Variants in CPNE4 observed in about 807,000 individuals in gnomAD.
The protein encoded by CPNE4 is copine-4.
Under a neutral mutation model 67.9 loss-of-function variants are expected in CPNE4, and 25 were observed. That is an observed-to-expected ratio of 0.37 (90% CI 0.27 to 0.51). The LOEUF (loss-of-function observed/expected upper bound fraction) is 0.51. Among genes scored for constraint, CPNE4 ranks in the 20% least tolerant of loss-of-function variants. CPNE4 has a pLI of 0.93. For missense variants in CPNE4, 464 were observed against 690.8 expected (o/e 0.67, Z 3.68); for synonymous variants, 242 against 244.9 (o/e 0.99, Z 0.11).
intron 1 of CPNE4, among the ~76,000 whole-genome samples, chr3:132,034,012 T>C (rs1341880341): frequency 1.3e-5 from 2 of 152,012 alleles, no homozygotes; most frequent in Non-Finnish European, 2.9e-5. Flanking sequence ...TGCAAGCCTA[T>C]TCATTAGTTT....
chr3:131,941,937 G>C (rs1230469649), intron 1 of CPNE4, among the ~76,000 whole-genome samples: 1 of 151,886 alleles, frequency 6.6e-6, no homozygotes, highest in Admixed American at 6.6e-5. Context: ...CATGTTACTA[G>C]AATGTTTATT....
chr3:131,908,516 T>C (rs2107783503), intron 1 of CPNE4, among the ~76,000 whole-genome samples: 1 of 152,242 alleles, frequency 6.6e-6, no homozygotes, highest in South Asian at 2.1e-4. Flanking sequence ...CCTTGGAATC[T>C]ACACTCCTCT....
At chr3:131,956,083 T>G (rs1174425893) in intron 1 of CPNE4, among the ~76,000 whole-genome samples, 1 of 141,088 alleles carries the variant, frequency 7.1e-6, no homozygotes, top group African/African-American at 2.5e-5. Context: ...TAAATTCTTC[T>G]CGTATTTTTT....
At chr3:131,889,958 T>C (rs1318714718) in intron 2 of CPNE4, among the ~76,000 whole-genome samples, 1 of 152,156 alleles carries the variant, frequency 6.6e-6, no homozygotes, top group Non-Finnish European at 1.5e-5. Context: ...ATTAAAGACT[T>C]AAACATAAGA....
intron 2 of CPNE4, among the ~76,000 whole-genome samples, chr3:131,743,921 C>T: frequency 7.9e-6 from 1 of 126,578 alleles, no homozygotes; most frequent in Non-Finnish European, 1.6e-5. Context: ...CGAGATCGCG[C>T]CACTGCACTC....
intron 11 of CPNE4, 24 bp from the exon 12 acceptor site, chr3:131,555,575 A>G (rs750867772): frequency 4.4e-5 from 71 of 1,606,254 alleles, no homozygotes; most frequent in Non-Finnish European, 6.0e-5. Context: ...GAAGAAAAGA[A>G]AAAACAAGAA....
At chr3:131,725,556 GT>G (rs2081981599) in intron 2 of CPNE4, among the ~76,000 whole-genome samples, 2 of 152,182 alleles carry the variant, frequency 1.3e-5, no homozygotes, top group Admixed American at 1.3e-4. Context: ...CATTCAGAGG[GT>G]GATGGGACTG....
At chr3:131,851,383 G>GTCCT (rs144289629) in intron 2 of CPNE4, among the ~76,000 whole-genome samples, 2 of 152,004 alleles carry the variant, frequency 1.3e-5, no homozygotes, top group Non-Finnish European at 2.9e-5. Context: ...CACCAGCTGT[G>GTCCT]TAACAGTTGG....
In CPNE4 at chr3:131,974,695, C is replaced by T. The variant is rs28713651; in HGVS notation, c.-2+59872G>A. On this transcript the variant is annotated intron_variant, in intron 1 of 15. Coordinates refer to ENST00000429747, the MANE Select transcript of CPNE4 (RefSeq NM_130808.3). ...CCATTGTTTCTCTTGCCACCTCAGA[C>T]TGTTCAAAAGGGATTAAAGAAAAAG... is the stretch of plus-strand genomic sequence containing the variant. Among the ~76,000 whole-genome samples, 1,396 of 152,282 alleles carry T rather than the reference C, an allele frequency of 9.2e-3. 13 individuals carry two copies. Among genetic ancestry groups the T allele is most frequent in the African/African-American group, 0.03 (1,232 of 41,548 alleles).
intron 2 of CPNE4, among the ~76,000 whole-genome samples, chr3:131,780,952 G>A (rs1026270008): frequency 2.0e-5 from 3 of 152,082 alleles, no homozygotes; most frequent in African/African-American, 7.2e-5. Context: ...TGAGGTCCGT[G>A]TGGCTGGACA....
At chr3:131,779,099 G>A (rs767771737) in intron 2 of CPNE4, among the ~76,000 whole-genome samples, 1 of 151,856 alleles carries the variant, frequency 6.6e-6, no homozygotes, top group Non-Finnish European at 1.5e-5. Context: ...GCCACAAAAA[G>A]AATAAAATAC....
chr3:131,630,007 G>A (rs1044690802), intron 7 of CPNE4, among the ~76,000 whole-genome samples: 21 of 152,134 alleles, frequency 1.4e-4, no homozygotes, highest in African/African-American at 5.1e-4. Flanking sequence ...GATGATATGA[G>A]ATGATAAAAT....
chr3:131,998,963 A>G (rs550023524), intron 1 of CPNE4, among the ~76,000 whole-genome samples: 52 of 152,158 alleles, frequency 3.4e-4, no homozygotes, highest in African/African-American at 1.1e-3. Flanking sequence ...GAGAAATGCT[A>G]TGCAGCTAAT....
At chr3:131,932,103 A>G (rs991568794) in intron 1 of CPNE4, among the ~76,000 whole-genome samples, 3 of 152,188 alleles carry the variant, frequency 2.0e-5, no homozygotes, top group African/African-American at 7.2e-5. Flanking sequence ...CTAGCTGTGA[A>G]TATCAGAAAG....
chr3:131,921,508 T>C (rs1312203215), intron 1 of CPNE4, among the ~76,000 whole-genome samples: 2 of 152,170 alleles, frequency 1.3e-5, no homozygotes, highest in Non-Finnish European at 2.9e-5. Flanking sequence ...ATCAAGTACA[T>C]GAAATATTTA....
chr3:131,562,587 T>C (rs1179790242), intron 11 of CPNE4, among the ~76,000 whole-genome samples: 1 of 152,106 alleles, frequency 6.6e-6, no homozygotes. Context: ...CACATTATTT[T>C]ACTAGATTAC....
intron 2 of CPNE4, among the ~76,000 whole-genome samples, chr3:131,815,590 A>G (rs1031955447): frequency 1.3e-5 from 2 of 152,188 alleles, no homozygotes; most frequent in Non-Finnish European, 2.9e-5. Flanking sequence ...ATATATATGT[A>G]AGTAAGTCCA....
At chr3:131,645,920 T>C (rs571860715) in intron 7 of CPNE4, among the ~76,000 whole-genome samples, 1 of 152,320 alleles carries the variant, frequency 6.6e-6, no homozygotes, top group East Asian at 1.9e-4. Flanking sequence ...GCCCTCACCT[T>C]GACCTTGGAG....
At chr3:131,906,202 G>T (rs1192591648) in intron 1 of CPNE4, among the ~76,000 whole-genome samples, 3 of 143,382 alleles carry the variant, frequency 2.1e-5, no homozygotes, top group African/African-American at 8.4e-5. Context: ...TTTATTTTTT[G>T]TTTTTTTTTG....
Sources: gnomAD v4.1 joint callset for allele counts (sites outside exome capture counted in the v4.1 genomes callset) on GRCh38, gnomAD v4.1.1 for gene constraint, MANE v1.5 for transcripts, NCBI Gene and HGNC (gene_info 2026-07-23, HGNC 2026-07-21) for gene names.